The following MPRIP variants were observed in gnomAD, a reference collection of about 807,000 sequenced individuals.
MPRIP encodes the protein myosin phosphatase Rho-interacting protein.
Under a neutral mutation model 234.9 loss-of-function variants are expected in MPRIP, and 59 were observed. The ratio of observed to expected loss-of-function variants is 0.25; its 90% CI spans 0.20 to 0.31. The LOEUF (loss-of-function observed/expected upper bound fraction) is 0.31, where lower values mean the gene tolerates loss of function less well. Among genes scored for constraint, MPRIP ranks in the 10% least tolerant of loss-of-function variants. MPRIP has a pLI of 1.00. For synonymous variants in MPRIP, 1,144 were observed against 1,263.9 expected, an observed-to-expected ratio of 0.91 and a Z score of 2.01; for missense variants, 2,436 against 3,071.0, an observed-to-expected ratio of 0.79 and a Z score of 4.89.
chr17:17,175,208 C>G (rs2046228603), intron 19 of MPRIP, 85 bp from the exon 20 acceptor site: 1 of 1,596,344 alleles, frequency 6.3e-7, no homozygotes, highest in Non-Finnish European at 8.6e-7. Flanking sequence ...CACAAAGAAC[C>G]TAGGGAAATG....
At position 17,154,335 on chromosome 17, in the gene MPRIP, C is replaced by T; in HGVS notation, c.1749C>T (p.Ala583=). The T allele has an allele frequency of 6.2e-7, 1 of 1,614,162 alleles. No homozygotes were observed. Among genetic ancestry groups the T allele is most frequent in the Non-Finnish European group, 8.5e-7 (1 of 1,180,026 alleles). ...HTKEGEFTLS[A]MTSGIRRNWI... ...AGGAGGGCGAGTTTACCCTGTCGGC[C>T]ATGACATCTGGGATTCGGCGGAACT... is the stretch of plus-strand genomic sequence containing the variant. Residue 583 remains alanine, a synonymous_variant, in exon 13 of 24, where the codon GCC becomes GCT. Transcript: ENST00000651222.
intron 16 of MPRIP, chr17:17,168,987 T>A (rs2046070484): frequency 4.4e-6 from 2 of 456,790 alleles, no homozygotes; most frequent in Non-Finnish European, 8.8e-6. Flanking sequence ...AAACAGCAGC[T>A]CACATGTCAC....
chr17:17,057,040 G>A (rs555166282), intron 1 of MPRIP, among the ~76,000 whole-genome samples: 7 of 152,352 alleles, frequency 4.6e-5, no homozygotes, highest in South Asian at 2.1e-4. Flanking sequence ...ACAGGTGTGC[G>A]GGCATTTGTC....
chr17:17,122,799 A>G (rs1235996044), intron 3 of MPRIP, among the ~76,000 whole-genome samples: 1 of 152,242 alleles, frequency 6.6e-6, no homozygotes, highest in Non-Finnish European at 1.5e-5. Context: ...TGGCACAGCC[A>G]CTTTGGGAAA....
At chr17:17,126,950 A>C (rs567093431) in intron 4 of MPRIP, 97 bp downstream of exon 4, 2 of 1,432,892 alleles carry the variant, frequency 1.4e-6, no homozygotes, top group Non-Finnish European at 1.9e-6. Context: ...GATGTTGTCT[A>C]CTTCCCCGTG....
chr17:17,143,304 G>A lies in MPRIP; in HGVS notation c.1390-252G>A, dbSNP rs2045371801. Among the ~76,000 whole-genome samples the A allele has an allele frequency of 2.0e-5, 3 of 152,324 alleles. 1 individual carries two copies. The South Asian group carries it at 6.2e-4, about 32-fold the overall frequency. ...CTTCTGTGACCCAGAGAAGCTGGAG[G>A]ATGGGGTGGGGCCAGGAAAGTGACA... is the stretch of plus-strand genomic sequence containing the variant. On this transcript the variant is annotated intron_variant, in intron 8 of 23. Coordinates refer to ENST00000651222, the MANE Select transcript of MPRIP (RefSeq NM_001364716.4).
chr17:17,063,033 C>T (rs1206343497), intron 1 of MPRIP, among the ~76,000 whole-genome samples: 3 of 152,220 alleles, frequency 2.0e-5, no homozygotes, highest in Admixed American at 6.5e-5. Flanking sequence ...CAGCCATGTG[C>T]GGGGGCAGGC....
At chr17:17,123,703 C>CAAAAAAAAAAAAAAAA (rs371753802) in intron 3 of MPRIP, among the ~76,000 whole-genome samples, 1 of 59,296 alleles carries the variant, frequency 1.7e-5, no homozygotes, top group African/African-American at 5.3e-5. Context: ...GACTTCGTCT[C>CAAAAAAAAAAAAAAAA]AAAAAAAAAA....
chr17:17,125,356 G>A (rs1039175051), intron 3 of MPRIP, among the ~76,000 whole-genome samples: 4 of 152,214 alleles, frequency 2.6e-5, no homozygotes, highest in Non-Finnish European at 4.4e-5. Context: ...CTGGACCCAC[G>A]GGGGATGGCT....
chr17:17,045,156 A>G (rs1183638262), intron 1 of MPRIP, among the ~76,000 whole-genome samples: 2 of 152,162 alleles, frequency 1.3e-5, no homozygotes, highest in Non-Finnish European at 2.9e-5. Flanking sequence ...TTAGACCGTC[A>G]AAGCTGGAAG....
At chr17:17,106,675 G>C (rs1242397230) in intron 3 of MPRIP, among the ~76,000 whole-genome samples, 1 of 152,238 alleles carries the variant, frequency 6.6e-6, no homozygotes, top group Non-Finnish European at 1.5e-5. Context: ...GTCAGTCTCA[G>C]AGGATGGGTG....
At position 17,158,917 on chromosome 17, in the gene MPRIP, T is replaced by C. The variant is rs945916194; in HGVS notation, c.2315T>C (p.Val772Ala). The change falls in exon 14 of 24, where the codon GTG (valine) becomes GCG (alanine). Residue 772 changes from valine to alanine, a missense_variant. Val to Ala is a moderately conservative substitution (Grantham distance 64). This residue lies in a region of MPRIP where 1,998 missense variants were observed against 2,520.3 expected (regional missense o/e 0.79). Transcript: ENST00000651222. The stretch of plus-strand genomic sequence containing the variant: ...ACACCTCTCCGGGAAGAGAAGCAGG[T>C]GCCCATCGCCCCCGTCCACCTGTCT... The part of the protein sequence containing the change: ...ETTPLREEKQ[V>A]PIAPVHLSSE... 1.2e-6 allele frequency: 2 copies of C among 1,612,492 alleles called. No individual in the cohort carries two copies. Among genetic ancestry groups the C allele is most frequent in the African/African-American group, 2.7e-5 (2 of 74,906 alleles).
Position 17,128,782 on chromosome 17 carries a change from A to G in MPRIP, c.419+1929A>G, listed in dbSNP as rs764215745. Among the ~76,000 whole-genome samples the G allele has an allele frequency of 9.2e-5, 14 of 152,204 alleles. No individual in the cohort carries two copies. In the South Asian group the frequency reaches 2.1e-3, roughly 23 times the overall value. ...TGCGTGAGGGAGTCAGGTGTGGCCT[A>G]TGCACCCTGGGGACAAGTGCTTTTG... On this transcript the variant is annotated intron_variant, in intron 4 of 23. Transcript: ENST00000651222.
intron 3 of MPRIP, among the ~76,000 whole-genome samples, chr17:17,113,820 C>T (rs1428344650): frequency 6.6e-6 from 1 of 151,702 alleles, no homozygotes; most frequent in African/African-American, 2.4e-5. Flanking sequence ...TACCTCTACC[C>T]TAGTGAATGT....
At chr17:17,180,317 G>C (rs894864124) in intron 23 of MPRIP, among the ~76,000 whole-genome samples, 4 of 152,214 alleles carry the variant, frequency 2.6e-5, no homozygotes, top group Non-Finnish European at 5.9e-5. Flanking sequence ...GCTGTGAAGA[G>C]CAGTGCTTGG....
At chr17:17,050,378 A>G (rs2088500616) in intron 1 of MPRIP, among the ~76,000 whole-genome samples, 1 of 151,990 alleles carries the variant, frequency 6.6e-6, no homozygotes, top group African/African-American at 2.4e-5. Context: ...AACCAGATAT[A>G]TCCAAAATAC....
intron 1 of MPRIP, among the ~76,000 whole-genome samples, chr17:17,047,728 T>A (rs922568227): frequency 1.3e-5 from 2 of 152,082 alleles, no homozygotes; most frequent in Non-Finnish European, 2.9e-5. Flanking sequence ...AAGAACAGAT[T>A]TGGAGTAAAC....
chr17:17,114,175 T>G (rs1206443818), intron 3 of MPRIP, among the ~76,000 whole-genome samples: 2 of 152,220 alleles, frequency 1.3e-5, no homozygotes, highest in Admixed American at 6.5e-5. Context: ...GACTTTCATT[T>G]TCTAATGACT....
chr17:17,106,974 A>C (rs908169102), intron 3 of MPRIP, among the ~76,000 whole-genome samples: 4 of 152,226 alleles, frequency 2.6e-5, no homozygotes, highest in Non-Finnish European at 5.9e-5. Flanking sequence ...AGAGGATCTC[A>C]GTTCTTAATA....
Sources: allele counts gnomAD v4.1 joint callset (sites outside exome capture counted in the v4.1 genomes callset), GRCh38; gene constraint gnomAD v4.1.1; regional missense constraint gnomAD v4.1.1; transcripts MANE v1.5; gene names NCBI Gene and HGNC (gene_info 2026-07-23, HGNC 2026-07-21).